The following WDR36 variants were observed in gnomAD, a reference collection of about 807,000 sequenced individuals.
WDR36 encodes the protein WD repeat domain 36.
A neutral mutation model predicts 112.7 loss-of-function variants in WDR36; 63 were observed. The observed-to-expected ratio is 0.56, with a 90% confidence interval of 0.46 to 0.69. WDR36 has a LOEUF of 0.69. Ranked by LOEUF, WDR36 falls within the 30% of genes least tolerant of loss-of-function variation. WDR36 has a pLI of 0.00. For missense variants in WDR36, 1,226 were observed against 1,070.3 expected, an observed-to-expected ratio of 1.15 and a Z score of -2.03; for synonymous variants, 410 against 362.2, an observed-to-expected ratio of 1.13 and a Z score of -1.50.
rs190144369 is a variant in WDR36, at chr5:111,104,679, G to C, written c.907-18G>C. On this transcript the variant is annotated intron_variant, in intron 8 of 22. Transcript: ENST00000513710. ...GATGGAACATTGTAGAAGAACTGAC[G>C]TTTTTATTTCTTGGCAGATATGGAT... The C allele has an allele frequency of 1.2e-6, 2 of 1,610,656 alleles. No individual in the cohort carries two copies. The highest frequency in any genetic ancestry group is 1.7e-6 in the Non-Finnish European group (2 of 1,177,482).
chr5:111,120,426 A>G, intron 17 of WDR36, 70 bp from the exon 18 acceptor site: 1 of 1,214,636 alleles, frequency 8.2e-7, no homozygotes, highest in East Asian at 2.4e-5. Flanking sequence ...CAAATTCAAG[A>G]TTGTAGAGTG....
rs115749505 is a variant in WDR36 at position 111,129,595 on chromosome 5, C to A, written c.*2712C>A. The A allele has an allele frequency of 4.0e-3, 810 of 204,358 alleles. 2 individuals are homozygous for A. Among genetic ancestry groups the A allele is most frequent in the African/African-American group, 0.018 (766 of 43,756 alleles). The allele number at this position is 204,358 out of a possible 1,614,324, so 12.7% of individuals were successfully genotyped here. ...TTATCTCATGGATTTGTTAGGAGTT[C>A]TCTTGTATTTTCTGTATTTTATGTC... On this transcript the variant is annotated 3_prime_UTR_variant, in exon 23 of 23. Coordinates refer to ENST00000513710, the MANE Select transcript of WDR36 (RefSeq NM_139281.3).
At chr5:111,105,971 T>TA in intron 10 of WDR36, 86 bp from the exon 11 acceptor site, 1 of 1,050,540 alleles carries the variant, frequency 9.5e-7, no homozygotes, top group Non-Finnish European at 1.5e-6. Flanking sequence ...ACTTTATAGT[T>TA]ACAAGACTGA....
At chr5:111,092,757 G>A (rs2112560321) in intron 1 of WDR36, 139 bp downstream of exon 1, 1 of 1,156,318 alleles carries the variant, frequency 8.6e-7, no homozygotes, top group East Asian at 2.6e-5. Context: ...TTAATATTTC[G>A]CCATCCGGTC....
At chr5:111,096,961 T>A (rs1753003608) in intron 2 of WDR36, 118 bp from the exon 3 acceptor site, 1 of 684,906 alleles carries the variant, frequency 1.5e-6, no homozygotes, top group Non-Finnish European at 2.5e-6. Flanking sequence ...TTCTCAACTT[T>A]GATCTTTATT....
At chr5:111,094,898 A>C (rs1752944191) in intron 1 of WDR36, 22 bp from the exon 2 acceptor site, 1 of 1,577,528 alleles carries the variant, frequency 6.3e-7, no homozygotes, top group East Asian at 2.3e-5. Context: ...TGAAAATTTA[A>C]CCTTTTTTCT....
At position 111,105,425 on chromosome 5, in the gene WDR36, A is replaced by G. The variant is rs570872263; in HGVS notation, c.1093+65A>G. The G allele has an allele frequency of 9.7e-6, 14 of 1,443,712 alleles. No homozygotes were observed. In the South Asian group the frequency reaches 1.4e-4, roughly 14 times the overall value. The allele number at this position is 1,443,712 out of a possible 1,614,324, so 89.4% of individuals were successfully genotyped here. A position where few individuals can be genotyped will look rare whatever the true frequency, so the allele number is the denominator to read the frequency against. On this transcript the variant is annotated intron_variant, in intron 10 of 22. Coordinates refer to ENST00000513710, the MANE Select transcript of WDR36 (RefSeq NM_139281.3). The stretch of plus-strand genomic sequence containing the variant: ...AAACATTTCAACATTCTATGAAACA[A>G]CTGGAGGAAGTTTCATCAATGCATT...
At position 111,107,530 on chromosome 5, in the gene WDR36, T is replaced by G. The variant is rs544256705; in HGVS notation, c.1326+91T>G. 3 of 1,502,048 alleles carry G rather than the reference T, an allele frequency of 2.0e-6. No individual in the cohort carries two copies. In the East Asian group the frequency reaches 7.0e-5, roughly 35 times the overall value. The allele number at this position is 1,502,048 out of a possible 1,614,324, so 93.0% of individuals were successfully genotyped here. A position where few individuals can be genotyped will look rare whatever the true frequency, so the allele number is the denominator to read the frequency against. On this transcript the variant is annotated intron_variant, in intron 12 of 22. Transcript: ENST00000513710. ...CAAGGTTTCTCATCATAATATTGAC[T>G]GAAAAAACGTAGTTTAACATTTTAA... is the stretch of plus-strand genomic sequence containing the variant.
intron 1 of WDR36, among the ~76,000 whole-genome samples, chr5:111,093,215 A>G (rs1349511470): frequency 6.6e-6 from 1 of 152,240 alleles, no homozygotes; most frequent in Non-Finnish European, 1.5e-5. Flanking sequence ...AATTTCAGAT[A>G]AATCACTTGT....
At chr5:111,119,245 C>G (rs181485260) in intron 17 of WDR36, 125 bp downstream of exon 17, 3 of 780,990 alleles carry the variant, frequency 3.8e-6, no homozygotes, top group East Asian at 2.5e-5. Context: ...CAAGTTAACA[C>G]AGATACTTAA....
chr5:111,100,974 A>G (rs186157362), intron 5 of WDR36, among the ~76,000 whole-genome samples: 12 of 152,128 alleles, frequency 7.9e-5, no homozygotes, highest in African/African-American at 1.9e-4. Context: ...AGCTATTTAC[A>G]TAGTATTTAC....
intron 11 of WDR36, 52 bp from the exon 12 acceptor site, chr5:111,107,242 A>G (rs1753237814): frequency 6.4e-7 from 1 of 1,574,254 alleles, no homozygotes; most frequent in Admixed American, 1.8e-5. Context: ...TAAGTAATAA[A>G]TGAATAACAG....
rs35527062 is a variant in WDR36, at chr5:111,113,052, A to ATATATATATTT, written c.1717-21_1717-20insATATATATTTT. 1.6e-3 allele frequency: 746 copies of ATATATATATTT among 473,548 alleles called. 11 individuals are homozygous for ATATATATATTT. In the African/African-American group the frequency reaches 0.018, roughly 12 times the overall value. The allele number at this position is 473,548 out of a possible 1,614,324, so 29.3% of individuals were successfully genotyped here. A position where few individuals can be genotyped will look rare whatever the true frequency, so the allele number is the denominator to read the frequency against. ...ATATAAATAATATATATATATATAT[A>ATATATATATTT]TTTTTTTTTTTTAATTTAAAGGCTT... On this transcript the variant is annotated intron_variant, in intron 15 of 22. Transcript: ENST00000513710.
intron 10 of WDR36, among the ~76,000 whole-genome samples, 189 bp downstream of exon 10, chr5:111,105,549 G>C (rs1158406234): frequency 1.3e-5 from 2 of 151,492 alleles, no homozygotes; most frequent in African/African-American, 4.8e-5. Flanking sequence ...TCTGCTATAA[G>C]GTTATTGAAA....
chr5:111,104,051 T>C, intron 7 of WDR36, 126 bp from the exon 8 acceptor site: 1 of 1,387,840 alleles, frequency 7.2e-7, no homozygotes, highest in South Asian at 1.3e-5. Flanking sequence ...GGCAAAGAAA[T>C]ATGAATAGAT....
intron 16 of WDR36, 43 bp downstream of exon 16, chr5:111,113,196 A>G (rs768622259): frequency 7.9e-7 from 1 of 1,271,344 alleles, no homozygotes; most frequent in Non-Finnish European, 1.1e-6. Flanking sequence ...TAAGATTTCT[A>G]AGTTATTTTT....
At chr5:111,104,510 A>G (rs1278279585) in intron 8 of WDR36, among the ~76,000 whole-genome samples, 158 bp downstream of exon 8, 1 of 151,714 alleles carries the variant, frequency 6.6e-6, no homozygotes, top group Non-Finnish European at 1.5e-5. Context: ...AGGTGACATG[A>G]TTGCAGTGAA....
At chr5:111,098,896 T>G (rs1010996301) in intron 4 of WDR36, 57 bp downstream of exon 4, 8 of 1,242,534 alleles carry the variant, frequency 6.4e-6, no homozygotes, top group Non-Finnish European at 8.3e-6. Flanking sequence ...TTAATTAAAA[T>G]TTAAAATCTA....
At chr5:111,104,415 C>T (rs969895090) in intron 8 of WDR36, 63 bp downstream of exon 8, 2 of 1,598,402 alleles carry the variant, frequency 1.3e-6, no homozygotes, top group African/African-American at 1.3e-5. Context: ...TTATTACAAG[C>T]TTGTTTTAAT....
Sources: allele counts gnomAD v4.1 joint callset (sites outside exome capture counted in the v4.1 genomes callset), GRCh38; gene constraint gnomAD v4.1.1; transcripts MANE v1.5; gene names NCBI Gene and HGNC (gene_info 2026-07-23, HGNC 2026-07-21).